Variants in EPG5 observed in about 807,000 individuals in gnomAD.
EPG5 encodes the protein ectopic P granules protein 5 homolog.
Under a neutral mutation model 302.7 loss-of-function variants are expected in EPG5, and 159 were observed. The ratio of observed to expected loss-of-function variants is 0.53; its 90% CI spans 0.46 to 0.60. The LOEUF (loss-of-function observed/expected upper bound fraction) is 0.60. Among genes scored for constraint, EPG5 ranks in the 20% least tolerant of loss-of-function variants. The probability of loss-of-function intolerance (pLI) is 0.00; values close to 1 mark genes in which losing one functional copy is unlikely to be tolerated. For missense variants in EPG5, 2,896 were observed against 3,092.4 expected (o/e 0.94, Z 1.51); for synonymous variants, 1,158 against 1,136.8 (o/e 1.02, Z -0.37).
chr18:45,830,500 AT>A, the EPG5 span, among the ~76,000 whole-genome samples: 3 of 152,180 alleles, frequency 2.0e-5, no homozygotes, highest in Non-Finnish European at 4.4e-5. Context: ...ATGAAAGACC[AT>A]CAAGGCATGG....
At position 45,858,065 on chromosome 18, in the gene EPG5, G is replaced by A. The variant is rs556306651; in HGVS notation, c.7230C>T (p.Ser2410=). 3.7e-5 allele frequency: 60 copies of A among 1,608,690 alleles called. No homozygotes were observed. Among genetic ancestry groups the A allele is most frequent in the Admixed American group, 6.7e-5 (4 of 59,652 alleles). Residue 2410 remains serine (S), a synonymous_variant, in exon 42 of 44, where the codon TCC becomes TCT. Transcript: ENST00000282041. Reference sequence around the variant, plus strand: ...AAAACAGCTTTGCCTCTTCCTCCACGGAGCTAGGGGAGGCACCGGAGGAAA... The same window carrying A: ...AAAACAGCTTTGCCTCTTCCTCCACAGAGCTAGGGGAGGCACCGGAGGAAA... ...SKWLEQVYPS[S]VEEEAKLFLW... is the part of the protein sequence containing the mutation.
intron 24 of EPG5, among the ~76,000 whole-genome samples, chr18:45,905,731 A>G (rs2049733856): frequency 6.6e-6 from 1 of 152,246 alleles, no homozygotes; most frequent in African/African-American, 2.4e-5. Flanking sequence ...GCTGACTTAA[A>G]AAGAAAAAGA....
At position 45,904,046 on chromosome 18, in the gene EPG5, T is replaced by G; in HGVS notation, c.4401A>C (p.Thr1467=). 4 of 1,613,496 alleles carry G rather than the reference T, an allele frequency of 2.5e-6. No homozygotes were observed. Among genetic ancestry groups the G allele is most frequent in the Middle Eastern group, 1.7e-4 (1 of 6,060 alleles). ...HEFQETVGLW[T]QAKLESHSTP... ...TGGAATGGGACTCAAGCTTGGCCTG[T>G]GTCCACAGACCAACAGTCTCCTGAA... is the stretch of plus-strand genomic sequence containing the variant. The change falls in exon 25 of 44, where the codon ACA becomes ACC. Residue 1467 remains threonine (T), a synonymous_variant. Coordinates refer to ENST00000282041, the MANE Select transcript of EPG5 (RefSeq NM_020964.3).
At chr18:45,816,734 A>C in the EPG5 span, among the ~76,000 whole-genome samples, 1 of 152,210 alleles carries the variant, frequency 6.6e-6, no homozygotes, top group Non-Finnish European at 1.5e-5. Context: ...TAAAAGTAGA[A>C]CAACCAATTG....
At chr18:45,825,857 T>C in the EPG5 span, 101 of 1,566,516 alleles carry the variant, frequency 6.4e-5, no homozygotes, top group African/African-American at 1.3e-3. Context: ...CAGTCTCCCC[T>C]GGAAGGCAGG....
intron 27 of EPG5, among the ~76,000 whole-genome samples, chr18:45,892,054 G>A (rs2049363667): frequency 6.6e-6 from 1 of 152,180 alleles, no homozygotes; most frequent in African/African-American, 2.4e-5. Context: ...CAGAATGAAG[G>A]GAGGTGGAAA....
chr18:45,926,268 A>G (rs993960653), intron 13 of EPG5, among the ~76,000 whole-genome samples: 4 of 152,122 alleles, frequency 2.6e-5, no homozygotes, highest in South Asian at 2.1e-4. Context: ...TATTCATTCT[A>G]TGGCATTTAG....
the EPG5 span, among the ~76,000 whole-genome samples, chr18:45,809,701 C>T: frequency 6.6e-6 from 1 of 151,990 alleles, no homozygotes; most frequent in East Asian, 1.9e-4. Flanking sequence ...CCTATCAAAA[C>T]CTCTGGGATA....
chr18:45,852,246 T>G lies in EPG5; in HGVS notation c.*221A>C. ...TCTCTTGTGGATAAATATAAAAACT[T>G]AAAGAGTCCCCAGAAGGTCTTAAGA... On this transcript the variant is annotated 3_prime_UTR_variant, in exon 44 of 44. Transcript: ENST00000282041. The G allele has an allele frequency of 2.4e-6, 1 of 414,864 alleles. No individual in the cohort carries two copies. Among genetic ancestry groups the G allele is most frequent in the Non-Finnish European group, 4.2e-6 (1 of 235,898 alleles). The allele number at this position is 414,864 out of a possible 1,614,324, so 25.7% of individuals were successfully genotyped here.
chr18:45,807,442 AACC>A, the EPG5 span, among the ~76,000 whole-genome samples: 3 of 152,120 alleles, frequency 2.0e-5, no homozygotes, highest in Admixed American at 2.0e-4. Context: ...TACTACATTA[AACC>A]ACCAAAGCTA....
chr18:45,814,742 G>A, the EPG5 span, among the ~76,000 whole-genome samples: 10 of 152,160 alleles, frequency 6.6e-5, no homozygotes, highest in Admixed American at 2.0e-4. Flanking sequence ...ATCTGCCTAA[G>A]ACCACACATC....
chr18:45,802,019 G>A, the EPG5 span, among the ~76,000 whole-genome samples: 1,057 of 152,220 alleles, frequency 6.9e-3, 13 homozygotes, highest in African/African-American at 0.024. Context: ...GGATGGTTTT[G>A]TCCTGTGGCA....
At chr18:45,825,272 A>T in the EPG5 span, among the ~76,000 whole-genome samples, 13 of 134,070 alleles carry the variant, frequency 9.7e-5, no homozygotes, top group Non-Finnish European at 1.6e-5. Flanking sequence ...AGAAGGGAGG[A>T]TGGGATGGAA....
the EPG5 span, among the ~76,000 whole-genome samples, chr18:45,827,276 GAGGGGCTCAACA>G: frequency 1.6e-4 from 25 of 152,328 alleles, no homozygotes; most frequent in Middle Eastern, 3.4e-3. Context: ...ATGGGGCCCA[GAGGGGCTCAACA>G]AGTGGCAGGG....
intron 39 of EPG5, 135 bp from the exon 40 acceptor site, chr18:45,860,481 TGGAA>T: frequency 9.1e-7 from 1 of 1,098,388 alleles, no homozygotes; most frequent in South Asian, 1.5e-5. Context: ...TGCAAGGGAC[TGGAA>T]GGAAGGCTCT....
intron 10 of EPG5, among the ~76,000 whole-genome samples, chr18:45,937,259 C>T (rs987832777): frequency 0.016 from 2,352 of 144,322 alleles, 58 homozygotes; most frequent in African/African-American, 0.063. Context: ...CACACACACA[C>T]ACACACACAC....
At chr18:45,961,772 T>C (rs1252138426) in intron 1 of EPG5, among the ~76,000 whole-genome samples, 1 of 151,168 alleles carries the variant, frequency 6.6e-6, no homozygotes, top group Non-Finnish European at 1.5e-5. Flanking sequence ...GCAGGAGAAT[T>C]GCTTGAACCT....
intron 1 of EPG5, among the ~76,000 whole-genome samples, chr18:45,957,385 T>C (rs1203733311): frequency 6.6e-6 from 1 of 152,190 alleles, no homozygotes; most frequent in Non-Finnish European, 1.5e-5. Flanking sequence ...AACTACTTTG[T>C]TAAACTGCCT....
At chr18:45,920,158 TCATTCAACCCACCAG>T (rs747225047) in intron 16 of EPG5, among the ~76,000 whole-genome samples, 1 of 152,168 alleles carries the variant, frequency 6.6e-6, no homozygotes, top group Non-Finnish European at 1.5e-5. Context: ...CTTTCCACAT[TCATTCAACCCACCAG>T]CATTTGTTGA....
Sources: gnomAD v4.1 joint callset for allele counts (sites outside exome capture counted in the v4.1 genomes callset) on GRCh38, gnomAD v4.1.1 for gene constraint, MANE v1.5 for transcripts, NCBI Gene and HGNC (gene_info 2026-07-23, HGNC 2026-07-21) for gene names.